ATG13: variants seen among roughly 807,000 people sequenced by gnomAD.
ATG13 encodes the protein autophagy-related protein 13.
Under a neutral mutation model 65.5 loss-of-function variants are expected in ATG13, and 23 were observed. The ratio of observed to expected loss-of-function variants is 0.35; its 90% CI spans 0.25 to 0.50. The LOEUF (loss-of-function observed/expected upper bound fraction) is 0.50. Ranked by LOEUF, ATG13 falls within the 20% of genes least tolerant of loss-of-function variation. The pLI is 0.98. For synonymous variants in ATG13, 252 were observed against 245.2 expected (o/e 1.03, Z -0.26); for missense variants, 566 against 677.0 (o/e 0.84, Z 1.82).
At chr11:46,631,871 C>G (rs1213845798) in intron 2 of ATG13, among the ~76,000 whole-genome samples, 1 of 152,104 alleles carries the variant, frequency 6.6e-6, no homozygotes, top group Non-Finnish European at 1.5e-5. Context: ...CAGAACAAGA[C>G]CTTGTCTCAA....
At chr11:46,641,110 T>C (rs774273213) in intron 2 of ATG13, among the ~76,000 whole-genome samples, 1 of 152,250 alleles carries the variant, frequency 6.6e-6, no homozygotes, top group Non-Finnish European at 1.5e-5. Flanking sequence ...TCTTGCTCCA[T>C]TGCCCAGGCT....
chr11:46,630,462 G>A (rs1343488217), intron 2 of ATG13, among the ~76,000 whole-genome samples: 1 of 152,140 alleles, frequency 6.6e-6, no homozygotes, highest in Non-Finnish European at 1.5e-5. Flanking sequence ...AAGGCCAAAT[G>A]GAGATAAATA....
chr11:46,650,336 C>T lies in ATG13; in HGVS notation c.458+19C>T. On this transcript the variant is annotated intron_variant, in intron 7 of 18. Transcript: ENST00000683050. ...TATACAGGTAAACAGCATAGATGGTCATCTTGATTCACTCATCAACCCCCT... is the reference window on the plus strand; with the variant it reads ...TATACAGGTAAACAGCATAGATGGTTATCTTGATTCACTCATCAACCCCCT... 6.2e-7 allele frequency: 1 copy of T among 1,604,166 alleles called. No individual in the cohort carries two copies. The highest frequency in any genetic ancestry group is 1.7e-5 in the Admixed American group (1 of 59,696).
chr11:46,665,651 C>A, intron 14 of ATG13, 132 bp downstream of exon 14: 3 of 1,256,156 alleles, frequency 2.4e-6, no homozygotes, highest in Non-Finnish European at 3.2e-6. Context: ...GAGCCCAAAG[C>A]ATGGACTCCT....
chr11:46,624,395 A>G (rs2048768735), intron 1 of ATG13, among the ~76,000 whole-genome samples: 1 of 152,158 alleles, frequency 6.6e-6, no homozygotes, highest in Non-Finnish European at 1.5e-5. Flanking sequence ...TCCTTCACAG[A>G]AACTTTTTAA....
At chr11:46,652,762 A>G (rs953237072) in intron 7 of ATG13, among the ~76,000 whole-genome samples, 1 of 152,206 alleles carries the variant, frequency 6.6e-6, no homozygotes, top group African/African-American at 2.4e-5. Context: ...TAAGCACTGT[A>G]TCAGTATTTA....
chr11:46,623,941 C>T (rs1266728304), intron 1 of ATG13, among the ~76,000 whole-genome samples: 5 of 150,696 alleles, frequency 3.3e-5, no homozygotes, highest in Non-Finnish European at 5.9e-5. Context: ...TTTCTGAACC[C>T]TTCAGAGATG....
intron 2 of ATG13, among the ~76,000 whole-genome samples, chr11:46,639,090 T>G (rs1005592305): frequency 1.3e-5 from 2 of 152,006 alleles, no homozygotes; most frequent in Non-Finnish European, 2.9e-5. Flanking sequence ...CGGGTTCAAG[T>G]GATTCTCCTG....
intron 11 of ATG13, among the ~76,000 whole-genome samples, chr11:46,662,517 C>T (rs189139300): frequency 5.8e-4 from 88 of 152,252 alleles, no homozygotes; most frequent in Admixed American, 9.2e-4. Flanking sequence ...GTAACTGTCT[C>T]TTATTGTGTC....
intron 2 of ATG13, among the ~76,000 whole-genome samples, chr11:46,633,327 A>AATTTT (rs1390251245): frequency 1.3e-5 from 2 of 150,144 alleles, no homozygotes; most frequent in African/African-American, 2.5e-5. Flanking sequence ...AGCCCCCAAA[A>AATTTT]ATTTTATTTT....
intron 2 of ATG13, among the ~76,000 whole-genome samples, chr11:46,641,551 A>G (rs562397814): frequency 6.6e-6 from 1 of 152,316 alleles, no homozygotes; most frequent in East Asian, 1.9e-4. Flanking sequence ...ATTCAAAACA[A>G]CCCAAACTAA....
At chr11:46,668,985 C>T in intron 17 of ATG13, 75 bp downstream of exon 17, 1 of 1,222,750 alleles carries the variant, frequency 8.2e-7, no homozygotes, top group Non-Finnish European at 1.2e-6. Context: ...GCACTTGATC[C>T]AGATTTCCTT....
chr11:46,629,623 C>T (rs770722327), intron 1 of ATG13, among the ~76,000 whole-genome samples: 3 of 152,128 alleles, frequency 2.0e-5, no homozygotes, highest in Non-Finnish European at 4.4e-5. Context: ...TCTCGAACTC[C>T]TGACCTCAGA....
intron 2 of ATG13, among the ~76,000 whole-genome samples, chr11:46,643,258 A>T (rs1342986994): frequency 6.6e-6 from 1 of 152,196 alleles, no homozygotes; most frequent in African/African-American, 2.4e-5. Context: ...CAGCTCCAAC[A>T]ACGTGTCCAA....
At chr11:46,637,837 C>G (rs1322661679) in intron 2 of ATG13, among the ~76,000 whole-genome samples, 1 of 152,118 alleles carries the variant, frequency 6.6e-6, no homozygotes, top group African/African-American at 2.4e-5. Context: ...CATAGGGCAG[C>G]TGGCGGCAGG....
intron 2 of ATG13, chr11:46,632,493 C>G (rs1460415373): frequency 2.6e-5 from 4 of 151,932 alleles, no homozygotes; most frequent in Admixed American, 6.6e-5. Context: ...AAGTGGTAAC[C>G]TAAAAGCTCT....
chr11:46,645,332 T>C lies in ATG13; in HGVS notation c.70-7T>C. The C allele has an allele frequency of 4.4e-6, 7 of 1,605,580 alleles. No individual in the cohort carries two copies. The highest frequency in any genetic ancestry group is 2.3e-5 in the South Asian group (2 of 88,692). ...TAGGATTTCTTTTGTGTTTTTTTTT[T>C]CTTTAGACTGTCCAAGTGATTGTCC... On this transcript the variant is annotated splice_region_variant and splice_polypyrimidine_tract_variant and intron_variant, in intron 3 of 18. Coordinates refer to ENST00000683050, the MANE Select transcript of ATG13 (RefSeq NM_001346311.2).
chr11:46,649,087 T>C, intron 5 of ATG13, 50 bp from the exon 6 acceptor site: 1 of 1,546,150 alleles, frequency 6.5e-7, no homozygotes, highest in Non-Finnish European at 8.8e-7. Flanking sequence ...TGTAATGCTT[T>C]GAAATTAAAA....
intron 1 of ATG13, among the ~76,000 whole-genome samples, chr11:46,624,737 C>G (rs1281681740): frequency 6.6e-6 from 1 of 152,102 alleles, no homozygotes; most frequent in African/African-American, 2.4e-5. Context: ...AAAATCAGCT[C>G]ATTAGCTCAT....
Sources: gnomAD v4.1 joint callset for allele counts (sites outside exome capture counted in the v4.1 genomes callset) on GRCh38, gnomAD v4.1.1 for gene constraint, MANE v1.5 for transcripts, NCBI Gene and HGNC (gene_info 2026-07-23, HGNC 2026-07-21) for gene names.